The following FAM163B variants were observed in gnomAD, a reference collection of about 807,000 sequenced individuals.
The protein encoded by FAM163B is protein FAM163B.
In FAM163B, 4 loss-of-function variants were observed where a neutral mutation model predicts 7.6. That is an observed-to-expected ratio of 0.52 (90% CI 0.26 to 1.20). The LOEUF is 1.20. FAM163B is among the 50% of genes most tolerant of loss of function. The pLI is 0.14. For synonymous variants in FAM163B, 120 were observed against 111.6 expected, an observed-to-expected ratio of 1.07 and a Z score of -0.47; for missense variants, 250 against 243.0, an observed-to-expected ratio of 1.03 and a Z score of -0.19.
In FAM163B at chr9:133,580,262, C is replaced by T; in HGVS notation, c.-23-16G>A. The T allele has an allele frequency of 6.4e-7, 1 of 1,564,302 alleles. No homozygotes were observed. The highest frequency in any genetic ancestry group is 8.8e-7 in the Non-Finnish European group (1 of 1,137,486). On this transcript the variant is annotated splice_polypyrimidine_tract_variant and intron_variant, in intron 1 of 2. Coordinates refer to ENST00000673969, the MANE Select transcript of FAM163B (RefSeq NM_001080515.3). ...CATCAACAGCCTGCAACACACGCCGCCAGCTTTAGAGCATCACGCTTCCTC... is the reference window on the plus strand; with the variant it reads ...CATCAACAGCCTGCAACACACGCCGTCAGCTTTAGAGCATCACGCTTCCTC...
In FAM163B at chr9:133,609,323, G is replaced by A. The variant is rs1331166741; in HGVS notation, c.-270C>T. Among the ~76,000 whole-genome samples the A allele has an allele frequency of 6.7e-6, 1 of 149,592 alleles. No individual in the cohort carries two copies. On this transcript the variant is annotated 5_prime_UTR_variant, in exon 1 of 3. Coordinates refer to ENST00000673969, the MANE Select transcript of FAM163B (RefSeq NM_001080515.3). ...CCGCGCTGCGGCCGCGACTCCGGAC[G>A]CCCCGGCTGGCTCCCTGCGAGCTGC... is the stretch of plus-strand genomic sequence containing the variant.
intron 1 of FAM163B, among the ~76,000 whole-genome samples, chr9:133,589,658 G>T (rs1051745370): frequency 2.3e-4 from 35 of 152,182 alleles, no homozygotes; most frequent in African/African-American, 8.4e-4. Context: ...CATTGGTGCT[G>T]ATTTCAATGC....
chr9:133,594,191 T>C (rs757827011), intron 1 of FAM163B, among the ~76,000 whole-genome samples: 7 of 152,336 alleles, frequency 4.6e-5, no homozygotes, highest in Admixed American at 2.0e-4. Context: ...AGCGCATTTG[T>C]TTCCCGTAAG....
chr9:133,596,687 G>A lies in FAM163B; in HGVS notation c.-24+12390C>T, dbSNP rs79403301. On this transcript the variant is annotated intron_variant, in intron 1 of 2. Coordinates refer to ENST00000673969, the MANE Select transcript of FAM163B (RefSeq NM_001080515.3). ...ATAGCCCAAGGAGGCCAAAGTAGCCGGAGGTCACAGGACACAGAACTGGGG... is the reference window on the plus strand; with the variant it reads ...ATAGCCCAAGGAGGCCAAAGTAGCCAGAGGTCACAGGACACAGAACTGGGG... 3.2e-3 allele frequency among the ~76,000 whole-genome samples: 491 copies of A among 152,316 alleles called. 5 individuals are homozygous for A. The highest frequency in any genetic ancestry group is 0.011 in the African/African-American group (465 of 41,546).
chr9:133,584,406 G>A (rs1298752928), intron 1 of FAM163B, among the ~76,000 whole-genome samples: 1 of 152,186 alleles, frequency 6.6e-6, no homozygotes, highest in African/African-American at 2.4e-5. Flanking sequence ...GGGTTTAGAC[G>A]CTGATTCCTC....
chr9:133,588,194 C>T (rs1003877567), intron 1 of FAM163B, among the ~76,000 whole-genome samples: 1 of 152,288 alleles, frequency 6.6e-6, no homozygotes, highest in South Asian at 2.1e-4. Flanking sequence ...CCAGTCCCAG[C>T]CCCTTTCTGC....
chr9:133,588,608 G>C (rs28597082), intron 1 of FAM163B, among the ~76,000 whole-genome samples: 94 of 1,470 alleles, frequency 0.064, no homozygotes, highest in African/African-American at 0.098. Context: ...AGGGATCTAG[G>C]ATGCTGAAGG....
intron 1 of FAM163B, among the ~76,000 whole-genome samples, chr9:133,599,326 G>A (rs1831678545): frequency 1.3e-5 from 2 of 152,174 alleles, no homozygotes; most frequent in African/African-American, 4.8e-5. Flanking sequence ...GCCTCCTCTG[G>A]GCTCCCCTTC....
intron 1 of FAM163B, among the ~76,000 whole-genome samples, chr9:133,585,419 TAAAGCCCACGGG>T (rs1831420290): frequency 6.6e-6 from 1 of 152,228 alleles, no homozygotes; most frequent in Non-Finnish European, 1.5e-5. Flanking sequence ...TCACTTGCCG[TAAAGCCCACGGG>T]AACGGACCCC....
chr9:133,588,676 C>T (rs1831487257), intron 1 of FAM163B, among the ~76,000 whole-genome samples: 4 of 16,254 alleles, frequency 2.5e-4, no homozygotes, highest in African/African-American at 4.5e-4. Flanking sequence ...AGGGATCTAG[C>T]ATACTGAGAG....
At chr9:133,579,839 A>G (rs1178073089) in intron 2 of FAM163B, among the ~76,000 whole-genome samples, 3 of 152,174 alleles carry the variant, frequency 2.0e-5, no homozygotes, top group Non-Finnish European at 4.4e-5. Context: ...CCTGGAGTGC[A>G]GGTGGGAAGG....
chr9:133,602,652 G>T (rs917444956), intron 1 of FAM163B, among the ~76,000 whole-genome samples: 74 of 152,262 alleles, frequency 4.9e-4, no homozygotes, highest in African/African-American at 1.8e-3. Context: ...GAACTCTCAT[G>T]TGGGAAGTTC....
intron 1 of FAM163B, among the ~76,000 whole-genome samples, chr9:133,582,799 G>A (rs949377742): frequency 2.6e-5 from 4 of 152,328 alleles, no homozygotes; most frequent in East Asian, 3.9e-4. Flanking sequence ...CCTGCTGGTC[G>A]CTTGACCTTG....
chr9:133,580,081 C>T (rs1213111086), intron 2 of FAM163B, 50 bp downstream of exon 2: 18 of 1,520,166 alleles, frequency 1.2e-5, no homozygotes, highest in Non-Finnish European at 1.5e-5. Context: ...GAGGTAGGGG[C>T]ACCCTCTGGG....
intron 1 of FAM163B, among the ~76,000 whole-genome samples, chr9:133,583,744 G>A (rs2131221495): frequency 6.6e-6 from 1 of 152,316 alleles, no homozygotes; most frequent in South Asian, 2.1e-4. Flanking sequence ...AAGGGTGCCG[G>A]CTCAGGCCAG....
At chr9:133,596,498 G>C (rs1183095588) in intron 1 of FAM163B, among the ~76,000 whole-genome samples, 1 of 152,154 alleles carries the variant, frequency 6.6e-6, no homozygotes, top group Non-Finnish European at 1.5e-5. Flanking sequence ...TTGCCCTCCT[G>C]CTTGAAGGTG....
chr9:133,589,682 G>A (rs533509179), intron 1 of FAM163B, among the ~76,000 whole-genome samples: 126 of 152,216 alleles, frequency 8.3e-4, no homozygotes, highest in Admixed American at 2.6e-3. Context: ...GGGGGCCGCG[G>A]CCCACACTTG....
intron 1 of FAM163B, among the ~76,000 whole-genome samples, chr9:133,582,042 TG>T (rs751860958): frequency 6.6e-6 from 1 of 152,226 alleles, no homozygotes; most frequent in South Asian, 2.1e-4. Context: ...ATCATCTGTG[TG>T]GTTACCCTAG....
Position 133,578,578 on chromosome 9 carries a change from C to A in FAM163B, c.*444G>T. 6.0e-6 allele frequency: 1 copy of A among 167,710 alleles called. No homozygotes were observed. Among genetic ancestry groups the A allele is most frequent in the African/African-American group, 2.4e-5 (1 of 42,104 alleles). 10.4% of individuals were successfully genotyped at this position (167,710 alleles called of 1,614,324 possible). A position where few individuals can be genotyped will look rare whatever the true frequency, so the allele number is the denominator to read the frequency against. ...AGCAGAATCCTTGGTCTGCAATTGC[C>A]AGGGAGGGCCTTGCTGCAGGGCCCT... On this transcript the variant is annotated 3_prime_UTR_variant, in exon 3 of 3. Transcript: ENST00000673969.
Sources: allele counts gnomAD v4.1 joint callset (sites outside exome capture counted in the v4.1 genomes callset), GRCh38; gene constraint gnomAD v4.1.1; transcripts MANE v1.5; gene names NCBI Gene and HGNC (gene_info 2026-07-23, HGNC 2026-07-21).